EFNA5: variants seen among roughly 807,000 people sequenced by gnomAD.
The protein encoded by EFNA5 is ephrin A5, also known as ephrin-A5.
Under a neutral mutation model 22.9 loss-of-function variants are expected in EFNA5, and 5 were observed. That is an observed-to-expected ratio of 0.22 (90% CI 0.11 to 0.46). EFNA5 has a LOEUF of 0.46. Ranked by LOEUF, EFNA5 falls within the 20% of genes least tolerant of loss-of-function variation. The pLI is 0.99. For missense variants in EFNA5, 237 were observed against 293.3 expected (o/e 0.81, Z 1.40); for synonymous variants, 113 against 112.2 (o/e 1.01, Z -0.04).
chr5:107,466,824 A>G (rs1320038393), intron 1 of EFNA5, among the ~76,000 whole-genome samples: 1 of 152,156 alleles, frequency 6.6e-6, no homozygotes, highest in Non-Finnish European at 1.5e-5. Flanking sequence ...TTTGACTCCA[A>G]TGTTGTGGGA....
intron 1 of EFNA5, among the ~76,000 whole-genome samples, chr5:107,555,727 C>G (rs1057189910): frequency 6.6e-6 from 1 of 152,204 alleles, no homozygotes; most frequent in African/African-American, 2.4e-5. Context: ...TTCATTAAAT[C>G]TCAAGCCAAA....
intron 1 of EFNA5, among the ~76,000 whole-genome samples, chr5:107,630,492 A>C (rs543643701): frequency 2.9e-4 from 44 of 152,298 alleles, no homozygotes; most frequent in African/African-American, 1.0e-3. Flanking sequence ...CAGTAAAATT[A>C]TGTTATAAAA....
At chr5:107,502,039 G>A (rs908024050) in intron 1 of EFNA5, among the ~76,000 whole-genome samples, 25 of 152,174 alleles carry the variant, frequency 1.6e-4, no homozygotes, top group African/African-American at 4.3e-4. Context: ...GATGTACACC[G>A]GGCATTGCCT....
intron 1 of EFNA5, among the ~76,000 whole-genome samples, chr5:107,435,241 T>G (rs1749077371): frequency 6.6e-6 from 1 of 152,118 alleles, no homozygotes; most frequent in South Asian, 2.1e-4. Context: ...ATGCTGCTTC[T>G]TGCATCCTTC....
At chr5:107,390,220 C>T (rs1192551673) in intron 2 of EFNA5, among the ~76,000 whole-genome samples, 1 of 152,160 alleles carries the variant, frequency 6.6e-6, no homozygotes, top group Non-Finnish European at 1.5e-5. Context: ...AGCAAAACTC[C>T]ATTTTTTAAA....
chr5:107,624,981 T>C (rs182449075), intron 1 of EFNA5, among the ~76,000 whole-genome samples: 1 of 152,158 alleles, frequency 6.6e-6, no homozygotes, highest in Non-Finnish European at 1.5e-5. Flanking sequence ...AACTTTAACA[T>C]TCCTGTAGCT....
chr5:107,670,152 G>A (rs1362442703), intron 1 of EFNA5, among the ~76,000 whole-genome samples: 4 of 151,956 alleles, frequency 2.6e-5, no homozygotes, highest in Non-Finnish European at 2.9e-5. Context: ...TCCCCGCGCC[G>A]GGAACCGGAT....
At chr5:107,645,466 A>C (rs1323196909) in intron 1 of EFNA5, among the ~76,000 whole-genome samples, 2 of 152,236 alleles carry the variant, frequency 1.3e-5, no homozygotes, top group African/African-American at 4.8e-5. Context: ...TATATCTAGC[A>C]AATCTTGGTA....
chr5:107,646,284 T>C (rs1038060364), intron 1 of EFNA5, among the ~76,000 whole-genome samples: 1 of 152,162 alleles, frequency 6.6e-6, no homozygotes, highest in Admixed American at 6.5e-5. Context: ...TGGTAATTAT[T>C]TCACTCTGTA....
chr5:107,521,476 A>T (rs74539674), intron 1 of EFNA5, among the ~76,000 whole-genome samples: 1,330 of 58,284 alleles, frequency 0.023, 18 homozygotes, highest in African/African-American at 0.047. Context: ...ATATATATAT[A>T]TTTTTTTTTT....
chr5:107,577,201 G>A (rs529586525), intron 1 of EFNA5, among the ~76,000 whole-genome samples: 1 of 152,036 alleles, frequency 6.6e-6, no homozygotes, highest in African/African-American at 2.4e-5. Context: ...GGTTTTCAGA[G>A]GCACTTTGGC....
chr5:107,415,185 A>T (rs1307756807), intron 2 of EFNA5, among the ~76,000 whole-genome samples: 1 of 152,172 alleles, frequency 6.6e-6, no homozygotes, highest in Non-Finnish European at 1.5e-5. Flanking sequence ...GATTATATAT[A>T]TATATATACA....
At chr5:107,466,835 A>G (rs1362529417) in intron 1 of EFNA5, among the ~76,000 whole-genome samples, 4 of 152,168 alleles carry the variant, frequency 2.6e-5, no homozygotes, top group African/African-American at 4.8e-5. Flanking sequence ...TGTTGTGGGA[A>G]GTGTGATAGC....
intron 1 of EFNA5, among the ~76,000 whole-genome samples, chr5:107,473,395 T>C (rs1004555855): frequency 6.6e-6 from 1 of 152,122 alleles, no homozygotes; most frequent in African/African-American, 2.4e-5. Flanking sequence ...CAGCTTCTAA[T>C]GAATTCCACT....
chr5:107,607,958 G>C (rs1201597102), intron 1 of EFNA5, among the ~76,000 whole-genome samples: 3 of 152,104 alleles, frequency 2.0e-5, no homozygotes, highest in Admixed American at 2.0e-4. Context: ...GTCAGAGCCT[G>C]GTAGTCCAAG....
At chr5:107,618,495 A>G (rs1342764216) in intron 1 of EFNA5, among the ~76,000 whole-genome samples, 2 of 152,224 alleles carry the variant, frequency 1.3e-5, no homozygotes, top group East Asian at 3.8e-4. Context: ...AAAGATAAGA[A>G]GTACCTCTCA....
At chr5:107,527,882 G>A (rs1363874527) in intron 1 of EFNA5, among the ~76,000 whole-genome samples, 1 of 152,040 alleles carries the variant, frequency 6.6e-6, no homozygotes, top group Non-Finnish European at 1.5e-5. Flanking sequence ...TCTGACTCCG[G>A]GGCCTTCTCC....
At chr5:107,617,235 C>A (rs200003799) in intron 1 of EFNA5, among the ~76,000 whole-genome samples, 1 of 148,430 alleles carries the variant, frequency 6.7e-6, no homozygotes, top group Non-Finnish European at 1.5e-5. Context: ...CACACACACA[C>A]ACAGAGAGAG....
chr5:107,565,404 A>G (rs1320925726), intron 1 of EFNA5, among the ~76,000 whole-genome samples: 2 of 152,196 alleles, frequency 1.3e-5, no homozygotes, highest in Admixed American at 6.5e-5. Context: ...ATTACATTAT[A>G]TCAAATCCAG....
Sources: allele counts gnomAD v4.1 joint callset (sites outside exome capture counted in the v4.1 genomes callset), GRCh38; gene constraint gnomAD v4.1.1; transcripts MANE v1.5; gene names NCBI Gene and HGNC (gene_info 2026-07-23, HGNC 2026-07-21).